POLI: variants seen among roughly 807,000 people sequenced by gnomAD.
POLI encodes the protein DNA polymerase iota.
In POLI, 58 loss-of-function variants were observed where a neutral mutation model predicts 51.6. The ratio of observed to expected loss-of-function variants is 1.12; its 90% CI spans 0.91 to 1.40. The LOEUF is 1.40. POLI is among the 40% of genes most tolerant of loss of function. POLI has a pLI of 0.00. For synonymous variants in POLI, 322 were observed against 299.7 expected, an observed-to-expected ratio of 1.07 and a Z score of -0.77; for missense variants, 921 against 871.3, an observed-to-expected ratio of 1.06 and a Z score of -0.72.
chr18:54,288,877 A>T (rs1029253337), intron 8 of POLI, among the ~76,000 whole-genome samples: 13 of 152,076 alleles, frequency 8.5e-5, no homozygotes, highest in Non-Finnish European at 1.6e-4. Flanking sequence ...TTCTTTAAAC[A>T]TGGTTGTCTT....
rs878959231 is a variant in POLI, at chr18:54,274,088, C to T, written c.404C>T (p.Thr135Ile). 1 of 1,413,142 alleles carries T rather than the reference C, an allele frequency of 7.1e-7. No individual in the cohort carries two copies. The highest frequency in any genetic ancestry group is 9.3e-7 in the Non-Finnish European group (1 of 1,071,202). 87.5% of individuals were successfully genotyped at this position (1,413,142 alleles called of 1,614,324 possible). ...TRYREMSYKV[T>I]ELLEEFSPVV... is the part of the protein sequence containing the mutation. Reference sequence around the variant, plus strand: ...TACAGAGAAATGTCTTATAAGGTTACAGGTACAAATGATAAGCAATGTACT... The same window carrying T: ...TACAGAGAAATGTCTTATAAGGTTATAGGTACAAATGATAAGCAATGTACT... The change falls in exon 3 of 10, where the codon ACA becomes ATA. Residue 135 changes from threonine (T) to isoleucine (I), a missense_variant and splice_region_variant. Thr to Ile is a moderately conservative substitution (Grantham distance 89, BLOSUM62 -1). Coordinates refer to ENST00000579534, the MANE Select transcript of POLI (RefSeq NM_007195.3).
intron 8 of POLI, 139 bp downstream of exon 8, chr18:54,287,550 A>G (rs549279508): frequency 3.5e-6 from 2 of 578,306 alleles, no homozygotes; most frequent in East Asian, 3.1e-5. Context: ...TCTATCAGGA[A>G]TTTTCACTGG....
chr18:54,279,241 C>CT (rs769828054), intron 4 of POLI, among the ~76,000 whole-genome samples: 19,756 of 119,122 alleles, frequency 0.17, 2,106 homozygotes, highest in Middle Eastern at 0.23. Context: ...TATGTCTTTT[C>CT]TTTTTTTTTT....
intron 1 of POLI, chr18:54,269,933 T>A (rs765511890): frequency 5.6e-5 from 67 of 1,194,460 alleles, no homozygotes; most frequent in Non-Finnish European, 6.8e-5. Flanking sequence ...AGGGGCGAGG[T>A]GGGGCGGGAA....
At position 54,292,044 on chromosome 18, in the gene POLI, T is replaced by A; in HGVS notation, c.1404+6T>A. On this transcript the variant is annotated splice_donor_region_variant and intron_variant, in intron 9 of 9. Coordinates refer to ENST00000579534, the MANE Select transcript of POLI (RefSeq NM_007195.3). The stretch of plus-strand genomic sequence containing the variant: ...GCTCTGGCAAGCACAGTTTTGTAAG[T>A]ACACTCTTTTTTGTTCAGTTTTCTA... The A allele has an allele frequency of 6.4e-7, 1 of 1,564,316 alleles. No homozygotes were observed. Among genetic ancestry groups the A allele is most frequent in the South Asian group, 1.1e-5 (1 of 88,828 alleles).
At chr18:54,281,072 A>G (rs1007739110) in intron 5 of POLI, among the ~76,000 whole-genome samples, 169 bp downstream of exon 5, 1 of 152,038 alleles carries the variant, frequency 6.6e-6, no homozygotes, top group African/African-American at 2.4e-5. Context: ...AAAAACTGTA[A>G]TGTTTTCTCA....
In POLI at chr18:54,271,423, T is replaced by G; in HGVS notation, c.179T>G (p.Leu60Arg). The change falls in exon 2 of 10, where the codon CTG becomes CGG. Residue 60 changes from leucine to arginine, a missense_variant. Transcript: ENST00000579534. ...ASSRVIVHVD[L>R]DCFYAQVEMI... ...TCCAGAGTCATAGTACATGTGGATC[T>G]GGATTGCTTTTATGCACAAGTAGAA... The G allele has an allele frequency of 6.2e-7, 1 of 1,611,174 alleles. No homozygotes were observed. Among genetic ancestry groups the G allele is most frequent in the Non-Finnish European group, 8.5e-7 (1 of 1,177,454 alleles).
chr18:54,299,873 G>T (rs2088462227), downstream of POLI, among the ~76,000 whole-genome samples: 1 of 151,936 alleles, frequency 6.6e-6, no homozygotes, highest in African/African-American at 2.4e-5. Context: ...CCTTGAAAAA[G>T]ACATACTATT....
At chr18:54,287,621 C>G (rs958032046) in intron 8 of POLI, 1 of 377,654 alleles carries the variant, frequency 2.6e-6, no homozygotes. Flanking sequence ...TGCTCTGCAC[C>G]AAGGCTGAAG....
At chr18:54,269,767 C>T in intron 1 of POLI, 106 bp downstream of exon 1, 6 of 1,393,240 alleles carry the variant, frequency 4.3e-6, no homozygotes, top group Non-Finnish European at 5.5e-6. Context: ...CGTCCCCGCC[C>T]CACTCGGCTC....
In POLI at chr18:54,277,716, A is replaced by T. The variant is rs139836620; in HGVS notation, c.420A>T (p.Glu140Asp). The change falls in exon 4 of 10, where the codon GAA becomes GAT. Residue 140 changes from glutamate to aspartate, a missense_variant. Transcript: ENST00000579534. ...ATTTCAATTTAGAATTACTGGAAGAATTTAGTCCAGTTGTTGAGAGACTTG... is the reference window on the plus strand; with the variant it reads ...ATTTCAATTTAGAATTACTGGAAGATTTTAGTCCAGTTGTTGAGAGACTTG... ...MSYKVTELLE[E>D]FSPVVERLGF... 1 of 1,596,838 alleles carries T rather than the reference A, an allele frequency of 6.3e-7. No individual in the cohort carries two copies. The highest frequency in any genetic ancestry group is 8.6e-7 in the Non-Finnish European group (1 of 1,167,954).
rs771213123 is a variant in POLI at position 54,277,744 on chromosome 18, T to G, written c.448T>G (p.Phe150Val). ...EFSPVVERLG[F>V]DENFVDLTEM... ...TAGTCCAGTTGTTGAGAGACTTGGA[T>G]TTGATGAAAATTTTGTGGATCTAAC... Residue 150 changes from phenylalanine (F) to valine (V), a missense_variant, in exon 4 of 10, where the codon TTT (phenylalanine) becomes GTT (valine). Physicochemically the swap from Phe to Val is conservative, Grantham distance 50. Coordinates refer to ENST00000579534, the MANE Select transcript of POLI (RefSeq NM_007195.3). 6.2e-7 allele frequency: 1 copy of G among 1,608,648 alleles called. No homozygotes were observed. Among genetic ancestry groups the G allele is most frequent in the South Asian group, 1.1e-5 (1 of 90,674 alleles).
chr18:54,274,487 T>C (rs2087151281), intron 3 of POLI, among the ~76,000 whole-genome samples: 3 of 152,092 alleles, frequency 2.0e-5, no homozygotes, highest in Admixed American at 2.0e-4. Flanking sequence ...TTCTGTAACA[T>C]TTGATCAACA....
intron 3 of POLI, among the ~76,000 whole-genome samples, chr18:54,314,012 T>C (rs1395290964): frequency 1.3e-5 from 2 of 152,164 alleles, no homozygotes. Context: ...AGAGAGGGCA[T>C]CCTTGCCTTG....
At chr18:54,309,513 G>A (rs1046536451) in intron 3 of POLI, among the ~76,000 whole-genome samples, 4 of 152,198 alleles carry the variant, frequency 2.6e-5, no homozygotes, top group African/African-American at 9.6e-5. Context: ...CCCCTACTGG[G>A]AGGTGTCTCC....
In POLI at chr18:54,273,954, C is replaced by G. The variant is rs1297520290; in HGVS notation, c.270C>G (p.Thr90=). The G allele has an allele frequency of 7.0e-6, 11 of 1,561,120 alleles. No individual in the cohort carries two copies. The highest frequency in any genetic ancestry group is 9.5e-6 in the Non-Finnish European group (11 of 1,154,550). Residue 90 remains threonine, a synonymous_variant, in exon 3 of 10, where the codon ACC becomes ACG. Coordinates refer to ENST00000579534, the MANE Select transcript of POLI (RefSeq NM_007195.3). ...TTCAACAGAAATATTTGGTGGTTAC[C>G]TGCAACTATGAAGCTAGGAAACTTG... ...LGVQQKYLVV[T]CNYEARKLGV...
chr18:54,283,864 A>G, intron 6 of POLI, 58 bp from the exon 7 acceptor site: 1 of 647,232 alleles, frequency 1.5e-6, no homozygotes, highest in Non-Finnish European at 2.7e-6. Context: ...GTACACTGAT[A>G]ATAATTAGAT....
chr18:54,285,611 G>A (rs2087710161), intron 7 of POLI, among the ~76,000 whole-genome samples: 1 of 151,430 alleles, frequency 6.6e-6, no homozygotes, highest in Non-Finnish European at 1.5e-5. Context: ...AATACTATAG[G>A]TATGTAAGAA....
chr18:54,269,664 G>A lies in POLI; in HGVS notation c.115+3G>A. On this transcript the variant is annotated splice_donor_region_variant and intron_variant, in intron 1 of 9. Coordinates refer to ENST00000579534, the MANE Select transcript of POLI (RefSeq NM_007195.3). The stretch of plus-strand genomic sequence containing the variant: ...GGGGGCGGCAGCCAGCTCGCAGGGT[G>A]CGCCGCAGCCAGAGGAGCCAGCGGC... 1.3e-6 allele frequency: 2 copies of A among 1,504,804 alleles called. No individual in the cohort carries two copies. The highest frequency in any genetic ancestry group is 1.8e-6 in the Non-Finnish European group (2 of 1,130,844). The allele number at this position is 1,504,804 out of a possible 1,614,324, so 93.2% of individuals were successfully genotyped here.
Sources: gnomAD v4.1 joint callset for allele counts (sites outside exome capture counted in the v4.1 genomes callset) on GRCh38, gnomAD v4.1.1 for gene constraint, MANE v1.5 for transcripts, NCBI Gene and HGNC (gene_info 2026-07-23, HGNC 2026-07-21) for gene names.